The following RIT2 variants were observed in gnomAD, a reference collection of about 807,000 sequenced individuals.
RIT2 encodes GTP-binding protein Rit2.
In RIT2, 24 loss-of-function variants were observed where a neutral mutation model predicts 23.7. That is an observed-to-expected ratio of 1.01 (90% CI 0.73 to 1.43). The LOEUF (loss-of-function observed/expected upper bound fraction) is 1.43, where lower values mean the gene tolerates loss of function less well. Ranked by LOEUF, RIT2 falls within the 40% of genes most tolerant of loss-of-function variation. The pLI, the probability that RIT2 is intolerant of heterozygous loss-of-function variation, is 0.00. For missense variants in RIT2, 236 were observed against 266.9 expected (o/e 0.88, Z 0.81); for synonymous variants, 107 against 91.1 (o/e 1.17, Z -0.99).
At chr18:42,848,342 C>T (rs762404143) in intron 4 of RIT2, among the ~76,000 whole-genome samples, 8 of 152,134 alleles carry the variant, frequency 5.3e-5, no homozygotes, top group Admixed American at 1.3e-4. Flanking sequence ...AGCAGTATAA[C>T]ATGTTCAAGA....
At chr18:42,953,739 G>A (rs967986448) in intron 3 of RIT2, among the ~76,000 whole-genome samples, 1 of 152,078 alleles carries the variant, frequency 6.6e-6, no homozygotes, top group Non-Finnish European at 1.5e-5. Flanking sequence ...TAGTTGTGAT[G>A]CCCCATGCTA....
At chr18:43,039,647 C>T (rs1411566595) in intron 1 of RIT2, among the ~76,000 whole-genome samples, 1 of 152,246 alleles carries the variant, frequency 6.6e-6, no homozygotes, top group East Asian at 1.9e-4. Context: ...CACACCTGAC[C>T]TCTGCTTTAT....
intron 4 of RIT2, among the ~76,000 whole-genome samples, chr18:42,827,272 G>T (rs1906323020): frequency 6.6e-6 from 1 of 152,078 alleles, no homozygotes; most frequent in Non-Finnish European, 1.5e-5. Flanking sequence ...CATTGTTGAA[G>T]CAATAGGTTT....
intron 4 of RIT2, among the ~76,000 whole-genome samples, chr18:42,760,729 T>C (rs1354104708): frequency 5.3e-5 from 8 of 152,212 alleles, no homozygotes; most frequent in Admixed American, 5.2e-4. Flanking sequence ...AGAGACATGA[T>C]TGATATAATA....
At chr18:43,026,592 G>GAAAT (rs1555652894) in intron 2 of RIT2, among the ~76,000 whole-genome samples, 131 of 127,514 alleles carry the variant, frequency 1.0e-3, no homozygotes, top group South Asian at 5.0e-3. Flanking sequence ...AAGAAAGAAA[G>GAAAT]AAAGAAAGAA....
chr18:42,858,267 T>C (rs890337535), intron 4 of RIT2, among the ~76,000 whole-genome samples: 1 of 152,176 alleles, frequency 6.6e-6, no homozygotes, highest in Non-Finnish European at 1.5e-5. Flanking sequence ...ATATGAAAGC[T>C]ATGGAAAGAG....
chr18:42,985,008 G>T (rs1409784433), intron 2 of RIT2, among the ~76,000 whole-genome samples: 3 of 151,934 alleles, frequency 2.0e-5, no homozygotes, highest in Non-Finnish European at 4.4e-5. Context: ...GAAAAATATT[G>T]TTTGGGCAGG....
At chr18:42,796,584 C>G (rs1432037936) in intron 4 of RIT2, among the ~76,000 whole-genome samples, 1 of 152,188 alleles carries the variant, frequency 6.6e-6, no homozygotes, top group Non-Finnish European at 1.5e-5. Flanking sequence ...CTGAAGCTCT[C>G]CCTTAGCCCT....
At position 42,972,414 on chromosome 18, in the gene RIT2, T is replaced by C. The variant is rs1598734764; in HGVS notation, c.234+1660A>G. ...TTTCTAGTTGCTTGTACACTATCAATATTCCAATTATGCAGTTTTTTTAAA... is the reference window on the plus strand; with the variant it reads ...TTTCTAGTTGCTTGTACACTATCAACATTCCAATTATGCAGTTTTTTTAAA... On this transcript the variant is annotated intron_variant, in intron 3 of 4. Coordinates refer to ENST00000326695, the MANE Select transcript of RIT2 (RefSeq NM_002930.4). 2.6e-5 allele frequency among the ~76,000 whole-genome samples: 4 copies of C among 152,004 alleles called. No homozygotes were observed. In the Middle Eastern group the frequency reaches 0.014, roughly 517 times the overall value.
At chr18:42,969,120 C>T (rs1327197931) in intron 3 of RIT2, among the ~76,000 whole-genome samples, 1 of 152,080 alleles carries the variant, frequency 6.6e-6, no homozygotes, top group Non-Finnish European at 1.5e-5. Context: ...AGAGTTTGGA[C>T]ACATGTATTG....
chr18:42,913,182 T>C (rs2144121218), intron 4 of RIT2, among the ~76,000 whole-genome samples: 2 of 140,504 alleles, frequency 1.4e-5, no homozygotes, highest in South Asian at 4.5e-4. Flanking sequence ...CTGGAGCAAT[T>C]AACCATCCAT....
intron 1 of RIT2, among the ~76,000 whole-genome samples, chr18:43,040,783 T>C (rs528639835): frequency 6.6e-6 from 1 of 151,830 alleles, no homozygotes; most frequent in Non-Finnish European, 1.5e-5. Context: ...AAGGTGGAAA[T>C]GTCAAATGAA....
At chr18:43,078,991 C>T (rs985926734) in intron 1 of RIT2, among the ~76,000 whole-genome samples, 5 of 152,112 alleles carry the variant, frequency 3.3e-5, no homozygotes, top group Non-Finnish European at 4.4e-5. Flanking sequence ...CAGAGCAGAG[C>T]CCTGTCAGAT....
At chr18:42,794,473 C>T (rs1343505125) in intron 4 of RIT2, among the ~76,000 whole-genome samples, 1 of 152,178 alleles carries the variant, frequency 6.6e-6, no homozygotes, top group Admixed American at 6.5e-5. Flanking sequence ...GCATTAATTA[C>T]AATGCTTGCT....
At chr18:42,791,722 C>T (rs1357129967) in intron 4 of RIT2, among the ~76,000 whole-genome samples, 1 of 152,144 alleles carries the variant, frequency 6.6e-6, no homozygotes, top group Non-Finnish European at 1.5e-5. Flanking sequence ...TTGCTGATTT[C>T]TGTTCTTTTA....
At chr18:42,910,046 C>G (rs910276604) in intron 4 of RIT2, among the ~76,000 whole-genome samples, 1 of 152,098 alleles carries the variant, frequency 6.6e-6, no homozygotes, top group Non-Finnish European at 1.5e-5. Flanking sequence ...GAAATGGTAA[C>G]ACATTGACAC....
chr18:43,068,802 TAAG>T (rs1912834231), intron 1 of RIT2, among the ~76,000 whole-genome samples: 50 of 151,510 alleles, frequency 3.3e-4, no homozygotes, highest in Admixed American at 3.3e-3. Context: ...AAAGCACAAA[TAAG>T]AAGACAAGAG....
chr18:42,790,871 C>T (rs1276658850), intron 4 of RIT2, among the ~76,000 whole-genome samples: 1 of 152,190 alleles, frequency 6.6e-6, no homozygotes, highest in Non-Finnish European at 1.5e-5. Context: ...ATTGTTGACT[C>T]TGTTCTACCT....
At chr18:43,100,252 A>G (rs1913651019) in intron 1 of RIT2, among the ~76,000 whole-genome samples, 3 of 152,134 alleles carry the variant, frequency 2.0e-5, no homozygotes, top group Admixed American at 1.3e-4. Flanking sequence ...AGCCAAGCAG[A>G]TATCTGGAGA....
Sources: allele counts gnomAD v4.1 joint callset (sites outside exome capture counted in the v4.1 genomes callset), GRCh38; gene constraint gnomAD v4.1.1; transcripts MANE v1.5; gene names NCBI Gene and HGNC (gene_info 2026-07-23, HGNC 2026-07-21).